The following NDP variants were observed in gnomAD, a reference collection of about 807,000 sequenced individuals.
NDP encodes norrin cystine knot growth factor NDP.
NDP carries 2 observed loss-of-function variants against 8.4 expected under a neutral mutation model. That is an observed-to-expected ratio of 0.24 (90% CI 0.10 to 0.75). NDP has a LOEUF of 0.75. Among genes scored for constraint, NDP ranks in the 30% least tolerant of loss-of-function variants. The probability of loss-of-function intolerance (pLI) is 0.73; values close to 1 mark genes in which losing one functional copy is unlikely to be tolerated. For missense variants in NDP, 81 were observed against 110.1 expected, an observed-to-expected ratio of 0.74 and a Z score of 1.18; for synonymous variants, 55 against 45.6, an observed-to-expected ratio of 1.21 and a Z score of -0.83.
At chrX:43,951,328 T>C (rs774427879) in intron 2 of NDP, among the ~76,000 whole-genome samples, 62 of 109,894 alleles carry the variant, frequency 5.6e-4, no homozygotes, top group Non-Finnish European at 9.5e-4. Context: ...GGCAGGAGGA[T>C]CACTTGAACC....
chrX:43,953,127 A>AACACACACACACACACACACACACACAC (rs58114928), intron 2 of NDP, among the ~76,000 whole-genome samples: 71 of 98,235 alleles, frequency 7.2e-4, no homozygotes, highest in African/African-American at 1.4e-3. Flanking sequence ...TGATGTTCTC[A>AACACACACACACACACACACACACACAC]ACACACACAC....
Position 43,971,613 on chromosome X carries a change from A to G in NDP, c.-208+1691T>C, listed in dbSNP as rs1215641553. Among the ~76,000 whole-genome samples, 3 of 111,241 alleles carry G rather than the reference A, an allele frequency of 2.7e-5. No homozygotes were observed. The South Asian group carries it at 1.1e-3, about 42-fold the overall frequency. Reference sequence around the variant, plus strand: ...AAAACATTGCATTTTGTGTTCAAATACTCTCATGTAATGATCTGAATAATA... The same window carrying G: ...AAAACATTGCATTTTGTGTTCAAATGCTCTCATGTAATGATCTGAATAATA... On this transcript the variant is annotated intron_variant, in intron 1 of 2. Transcript: ENST00000642620.
At chrX:43,970,085 G>A (rs2035883452) in intron 1 of NDP, among the ~76,000 whole-genome samples, 1 of 112,118 alleles carries the variant, frequency 8.9e-6, no homozygotes, top group South Asian at 3.8e-4. Context: ...GTGAGGTGGG[G>A]CATCAGAGGA....
At chrX:43,965,412 C>T (rs1298138263) in intron 1 of NDP, among the ~76,000 whole-genome samples, 2 of 110,306 alleles carry the variant, frequency 1.8e-5, no homozygotes, top group African/African-American at 3.3e-5. Flanking sequence ...GAGTGAGACC[C>T]TGTCTCAAAA....
chrX:43,948,912 T>C lies in NDP; in HGVS notation c.*887A>G, dbSNP rs759594554. On this transcript the variant is annotated 3_prime_UTR_variant, in exon 3 of 3. Transcript: ENST00000642620. ...TGGCAACATGTTTCACATGGACAAG[T>C]GGATATTAGAGAATGATGCCCGTGA... The C allele has an allele frequency of 4.5e-5, 5 of 112,052 alleles. No individual in the cohort carries two copies. Among genetic ancestry groups the C allele is most frequent in the Admixed American group, 1.9e-4 (2 of 10,591 alleles). 9.2% of individuals were successfully genotyped at this position (112,052 alleles called of 1,213,427 possible).
chrX:43,959,803 G>A (rs767490380), intron 1 of NDP, among the ~76,000 whole-genome samples: 1 of 111,512 alleles, frequency 9.0e-6, no homozygotes, highest in South Asian at 3.8e-4. Flanking sequence ...AATTGGGAGG[G>A]CCTGCTATTA....
intron 2 of NDP, among the ~76,000 whole-genome samples, chrX:43,955,471 G>C (rs760450409): frequency 9.8e-4 from 110 of 112,058 alleles, no homozygotes; most frequent in Non-Finnish European, 1.5e-3. Context: ...TGGAAACCAG[G>C]TCTCTCTCAC....
rs776654613 is a variant in NDP, at chrX:43,956,075, T to C, written c.174+2397A>G. On this transcript the variant is annotated intron_variant, in intron 2 of 2. Coordinates refer to ENST00000642620, the MANE Select transcript of NDP (RefSeq NM_000266.4). ...TATATGATATCAAGCAATCTAATTA[T>C]TTTGGGCTTCAGTTTTCCTTACCAG... is the stretch of plus-strand genomic sequence containing the variant. Among the ~76,000 whole-genome samples, 8 of 111,533 alleles carry C rather than the reference T, an allele frequency of 7.2e-5. No individual in the cohort carries two copies. In the South Asian group the frequency reaches 3.1e-3, roughly 43 times the overall value.
intron 1 of NDP, among the ~76,000 whole-genome samples, chrX:43,959,698 A>C (rs1032900486): frequency 8.9e-6 from 1 of 111,898 alleles, no homozygotes; most frequent in Non-Finnish European, 1.9e-5. Flanking sequence ...AGATTACCTC[A>C]CTAACTCCCC....
At chrX:43,956,289 A>G (rs895760581) in intron 2 of NDP, among the ~76,000 whole-genome samples, 6 of 112,098 alleles carry the variant, frequency 5.4e-5, no homozygotes, top group African/African-American at 1.9e-4. Flanking sequence ...GAAAGCATTA[A>G]CAATTGGCAG....
intron 2 of NDP, among the ~76,000 whole-genome samples, chrX:43,953,127 A>AACACACACACACACACACAC (rs58114928): frequency 0.024 from 2,327 of 98,174 alleles, 99 homozygotes; most frequent in African/African-American, 0.077. Context: ...TGATGTTCTC[A>AACACACACACACACACACAC]ACACACACAC....
intron 2 of NDP, among the ~76,000 whole-genome samples, chrX:43,956,123 G>A (rs2035791561): frequency 9.0e-6 from 1 of 111,623 alleles, no homozygotes; most frequent in Admixed American, 9.6e-5. Flanking sequence ...AATAATGCCT[G>A]CCATCACAGG....
At chrX:43,955,315 C>T (rs1397200542) in intron 2 of NDP, among the ~76,000 whole-genome samples, 2 of 112,043 alleles carry the variant, frequency 1.8e-5, no homozygotes, top group East Asian at 2.8e-4. Flanking sequence ...TGCTGGACAC[C>T]GCTGGATGCT....
At chrX:43,955,726 G>A (rs1331955005) in intron 2 of NDP, among the ~76,000 whole-genome samples, 2 of 111,963 alleles carry the variant, frequency 1.8e-5, no homozygotes, top group East Asian at 5.6e-4. Context: ...CTCTTTGGTG[G>A]GCCACTGTGG....
At position 43,949,855 on chromosome X, in the gene NDP, G is replaced by A. The variant is rs1302861734; in HGVS notation, c.346C>T (p.Leu116Phe). Residue 116 changes from leucine (L) to phenylalanine (F), a missense_variant, in exon 3 of 3, where the codon CTC (leucine) becomes TTC (phenylalanine). Physicochemically the swap from Leu to Phe is conservative, Grantham distance 22. Coordinates refer to ENST00000642620, the MANE Select transcript of NDP (RefSeq NM_000266.4). ...LRLRCSGGMR[L>F]TATYRYILSC... ...AGGATGTACCGGTAGGTGGCAGTGAGTCGCATGCCCCCTGAGCATCGCAGC... is the reference window on the plus strand; with the variant it reads ...AGGATGTACCGGTAGGTGGCAGTGAATCGCATGCCCCCTGAGCATCGCAGC... 2 of 1,191,778 alleles carry A rather than the reference G, an allele frequency of 1.7e-6. No homozygotes were observed. Among genetic ancestry groups the A allele is most frequent in the Non-Finnish European group, 2.3e-6 (2 of 885,551 alleles).
intron 1 of NDP, among the ~76,000 whole-genome samples, chrX:43,966,082 A>G (rs1047737223): frequency 8.9e-6 from 1 of 112,335 alleles, no homozygotes; most frequent in Non-Finnish European, 1.9e-5. Context: ...ATTGGAAATG[A>G]CCAAGTCAGG....
At chrX:43,965,575 T>A (rs181070369) in intron 1 of NDP, among the ~76,000 whole-genome samples, 234 of 111,721 alleles carry the variant, frequency 2.1e-3, no homozygotes, top group African/African-American at 7.4e-3. Context: ...GAAGAAAGGC[T>A]AATATTAATA....
intron 2 of NDP, chrX:43,953,411 TG>T (rs2035773850): frequency 8.9e-6 from 1 of 112,180 alleles, no homozygotes; most frequent in East Asian, 2.8e-4. Context: ...AGGCAAGTTC[TG>T]ATTGAGTAGT....
intron 2 of NDP, among the ~76,000 whole-genome samples, chrX:43,956,535 T>G (rs2035793960): frequency 8.9e-6 from 1 of 111,739 alleles, no homozygotes; most frequent in African/African-American, 3.3e-5. Flanking sequence ...ATGTAAGAGT[T>G]AAGAATTATA....
Sources: gnomAD v4.1 joint callset for allele counts (sites outside exome capture counted in the v4.1 genomes callset) on GRCh38, gnomAD v4.1.1 for gene constraint, MANE v1.5 for transcripts, NCBI Gene and HGNC (gene_info 2026-07-23, HGNC 2026-07-21) for gene names.